Variants in CNTN4 observed in about 807,000 individuals in gnomAD.
CNTN4 encodes the protein contactin 4, also known as contactin-4.
A neutral mutation model predicts 122.5 loss-of-function variants in CNTN4; 77 were observed. That is an observed-to-expected ratio of 0.63 (90% CI 0.52 to 0.76). CNTN4 has a LOEUF of 0.76. Among genes scored for constraint, CNTN4 ranks in the 30% least tolerant of loss-of-function variants. The probability of loss-of-function intolerance (pLI) is 0.00; values close to 1 mark genes in which losing one functional copy is unlikely to be tolerated. For synonymous variants in CNTN4, 512 were observed against 447.0 expected (o/e 1.15, Z -1.83); for missense variants, 1,256 against 1,259.1 (o/e 1.00, Z 0.04).
intron 3 of CNTN4, among the ~76,000 whole-genome samples, chr3:2,505,339 T>C (rs2076704267): frequency 6.6e-6 from 1 of 152,182 alleles, no homozygotes; most frequent in Admixed American, 6.6e-5. Flanking sequence ...CATATGTGTA[T>C]TCATTGTGCC....
chr3:2,146,806 T>G (rs1052208646), intron 2 of CNTN4, among the ~76,000 whole-genome samples: 1 of 152,198 alleles, frequency 6.6e-6, no homozygotes, highest in Non-Finnish European at 1.5e-5. Flanking sequence ...TAAAGCCTGG[T>G]ACCTAGTAGA....
chr3:2,480,492 GA>G, intron 3 of CNTN4, among the ~76,000 whole-genome samples: 1 of 152,194 alleles, frequency 6.6e-6, no homozygotes, highest in East Asian at 1.9e-4. Flanking sequence ...ACTGGAACTT[GA>G]AAATAAAAAC....
chr3:2,842,690 T>C (rs1416666643), intron 7 of CNTN4, among the ~76,000 whole-genome samples: 1 of 152,192 alleles, frequency 6.6e-6, no homozygotes. Context: ...ATACTAAAGC[T>C]GATGATAAAT....
intron 4 of CNTN4, among the ~76,000 whole-genome samples, chr3:2,688,917 G>A (rs1287417585): frequency 6.6e-6 from 1 of 152,162 alleles, no homozygotes; most frequent in Non-Finnish European, 1.5e-5. Flanking sequence ...TTAAGCTACA[G>A]AACAGGTCCA....
At chr3:2,580,192 T>C (rs1239385840) in intron 4 of CNTN4, among the ~76,000 whole-genome samples, 3 of 152,122 alleles carry the variant, frequency 2.0e-5, no homozygotes, top group African/African-American at 2.4e-5. Flanking sequence ...GCTATTAATA[T>C]CATCATTAGC....
chr3:2,688,526 A>G (rs1404583624), intron 4 of CNTN4, among the ~76,000 whole-genome samples: 1 of 152,236 alleles, frequency 6.6e-6, no homozygotes, highest in Admixed American at 6.5e-5. Flanking sequence ...TGGTGGTAGA[A>G]GGACAGGGAT....
chr3:2,299,779 C>G (rs148808277), intron 2 of CNTN4, among the ~76,000 whole-genome samples: 76 of 152,168 alleles, frequency 5.0e-4, no homozygotes, highest in African/African-American at 1.7e-3. Flanking sequence ...GTGTTATATT[C>G]TCCTCAAAAT....
chr3:2,395,012 G>A (rs2150919611), intron 3 of CNTN4, among the ~76,000 whole-genome samples: 1 of 152,032 alleles, frequency 6.6e-6, no homozygotes, highest in African/African-American at 2.4e-5. Context: ...GTCTTGAAGT[G>A]CTGGCCTCAA....
chr3:2,726,406 AT>A (rs1308872376), intron 4 of CNTN4, among the ~76,000 whole-genome samples: 3 of 152,194 alleles, frequency 2.0e-5, no homozygotes, highest in Admixed American at 2.0e-4. Flanking sequence ...TGTGCAGAGG[AT>A]TTTAGTCTAT....
chr3:2,174,738 G>A (rs538898245), intron 2 of CNTN4, among the ~76,000 whole-genome samples: 4 of 152,300 alleles, frequency 2.6e-5, no homozygotes, highest in African/African-American at 9.6e-5. Flanking sequence ...TCACAGTTCT[G>A]CAAGTGGTAT....
intron 2 of CNTN4, among the ~76,000 whole-genome samples, chr3:2,260,285 G>C (rs186508474): frequency 1.3e-5 from 2 of 152,194 alleles, no homozygotes; most frequent in East Asian, 3.9e-4. Context: ...AGCTACCATG[G>C]CCTCTACCCT....
chr3:2,177,153 G>C (rs1318716992), intron 2 of CNTN4, among the ~76,000 whole-genome samples: 1 of 152,090 alleles, frequency 6.6e-6, no homozygotes, highest in Non-Finnish European at 1.5e-5. Flanking sequence ...GAAAACAAAA[G>C]TTTAAAGCAA....
intron 6 of CNTN4, among the ~76,000 whole-genome samples, chr3:2,747,138 G>A (rs1217412769): frequency 3.3e-5 from 5 of 151,680 alleles, no homozygotes; most frequent in Admixed American, 6.6e-5. Flanking sequence ...GGGCCAGCGC[G>A]GTGGCTCACG....
At chr3:2,374,109 A>G (rs2045731992) in intron 3 of CNTN4, among the ~76,000 whole-genome samples, 1 of 152,188 alleles carries the variant, frequency 6.6e-6, no homozygotes, top group African/African-American at 2.4e-5. Context: ...TTCTTTTGTA[A>G]TGCAAGTGCT....
intron 4 of CNTN4, among the ~76,000 whole-genome samples, chr3:2,688,528 G>C (rs867244583): frequency 6.6e-6 from 1 of 152,210 alleles, no homozygotes; most frequent in Admixed American, 6.5e-5. Flanking sequence ...GTGGTAGAAG[G>C]ACAGGGATAT....
At chr3:2,438,251 T>C (rs2048322152) in intron 3 of CNTN4, among the ~76,000 whole-genome samples, 3 of 152,198 alleles carry the variant, frequency 2.0e-5, no homozygotes, top group African/African-American at 7.2e-5. Flanking sequence ...TGGGCACGGT[T>C]GCTCACGCTA....
chr3:2,479,436 C>G (rs572241925), intron 3 of CNTN4, among the ~76,000 whole-genome samples: 1 of 152,178 alleles, frequency 6.6e-6, no homozygotes, highest in East Asian at 1.9e-4. Flanking sequence ...TTGAAGGTCA[C>G]CATAAGTGAA....
chr3:2,241,821 A>C (rs1575155246), intron 2 of CNTN4, among the ~76,000 whole-genome samples: 1 of 152,186 alleles, frequency 6.6e-6, no homozygotes, highest in African/African-American at 2.4e-5. Flanking sequence ...TATGCCAGAC[A>C]AGGTAATACA....
intron 4 of CNTN4, among the ~76,000 whole-genome samples, chr3:2,586,164 G>T (rs1444760045): frequency 6.6e-6 from 1 of 152,154 alleles, no homozygotes; most frequent in African/African-American, 2.4e-5. Flanking sequence ...CACAAGCATG[G>T]CCTCCCCAGA....
Sources: gnomAD v4.1 joint callset for allele counts (sites outside exome capture counted in the v4.1 genomes callset) on GRCh38, gnomAD v4.1.1 for gene constraint, MANE v1.5 for transcripts, NCBI Gene and HGNC (gene_info 2026-07-23, HGNC 2026-07-21) for gene names.